The following HIP1 variants were observed in gnomAD, a reference collection of about 807,000 sequenced individuals.
HIP1 encodes huntingtin-interacting protein 1.
HIP1 carries 65 observed loss-of-function variants against 147.6 expected under a neutral mutation model. The observed-to-expected ratio is 0.44, with a 90% CI of 0.36 to 0.54. The LOEUF (loss-of-function observed/expected upper bound fraction) is 0.54. HIP1 is among the 20% of genes least tolerant of loss of function. The pLI is 0.00. For synonymous variants in HIP1, 479 were observed against 504.0 expected (o/e 0.95, Z 0.67); for missense variants, 1,061 against 1,299.6 (o/e 0.82, Z 2.82).
intron 4 of HIP1, 41 bp downstream of exon 4, chr7:75,592,015 A>C: frequency 1.3e-6 from 2 of 1,516,064 alleles, no homozygotes; most frequent in Non-Finnish European, 1.8e-6. Context: ...TGAGGAAGGA[A>C]AGGAGAAGCA....
chr7:75,615,814 G>C (rs782170594), intron 1 of HIP1, among the ~76,000 whole-genome samples: 1 of 150,986 alleles, frequency 6.6e-6, no homozygotes, highest in Non-Finnish European at 1.5e-5. Context: ...GGCCAGGCGC[G>C]GTGGCTCATG....
intron 22 of HIP1, among the ~76,000 whole-genome samples, chr7:75,552,157 T>C (rs1794809377): frequency 6.6e-6 from 1 of 151,548 alleles, no homozygotes; most frequent in South Asian, 2.1e-4. Context: ...TCCCAAAATG[T>C]TGGGATTACA....
In HIP1 at chr7:75,608,577, T is replaced by A. The variant is rs960776555; in HGVS notation, c.121-9330A>T. 2.6e-5 allele frequency among the ~76,000 whole-genome samples: 4 copies of A among 151,950 alleles called. No individual in the cohort carries two copies. In the East Asian group the frequency reaches 7.7e-4, roughly 29 times the overall value. ...AAATGGACTTAAGATCTGAAGAAAA[T>A]TTAGAGAAATATCAGTATTCTGAAG... On this transcript the variant is annotated intron_variant, in intron 1 of 30. Coordinates refer to ENST00000336926, the MANE Select transcript of HIP1 (RefSeq NM_005338.7).
intron 9 of HIP1, among the ~76,000 whole-genome samples, chr7:75,564,572 G>A (rs920432569): frequency 4.6e-5 from 7 of 151,900 alleles, no homozygotes; most frequent in African/African-American, 1.7e-4. Flanking sequence ...GGGGTTATAG[G>A]CGTGAGCCAA....
chr7:75,689,001 A>G (rs1370774191), intron 1 of HIP1, among the ~76,000 whole-genome samples: 2 of 152,072 alleles, frequency 1.3e-5, no homozygotes, highest in African/African-American at 4.8e-5. Flanking sequence ...CATGATGTGA[A>G]AGCAAACAAA....
chr7:75,543,357 A>C (rs1554490315), intron 27 of HIP1, among the ~76,000 whole-genome samples: 1 of 151,962 alleles, frequency 6.6e-6, no homozygotes, highest in Non-Finnish European at 1.5e-5. Flanking sequence ...TGATTCAAAA[A>C]ATAATTTTTT....
In HIP1 at chr7:75,556,783, C is replaced by G. The variant is rs1554493451; in HGVS notation, c.1610G>C (p.Ser537Thr). The part of the protein sequence containing the change: ...KTQEQLEVLE[S>T]LKQELATSQR... ...GCTTGTGGCAAGTTCCTGCTTCAAG[C>G]TCTCTAGAACTTCCAGCTGTTCTTG... The change falls in exon 17 of 31, where the codon AGC becomes ACC. Residue 537 changes from serine to threonine, a missense_variant. Ser to Thr is a moderately conservative substitution (Grantham distance 58). Transcript: ENST00000336926. 6.2e-7 allele frequency: 1 copy of G among 1,613,006 alleles called. No homozygotes were observed. The highest frequency in any genetic ancestry group is 1.7e-5 in the Admixed American group (1 of 60,014).
Position 75,539,413 on chromosome 7 carries a change from C to T in HIP1, c.2971G>A (p.Glu991Lys). ...MDSQVRVLEL[E>K]NELQKERQKL... ...TGACGCTCCTTCTGCAATTCATTTTCTAGCTCTAGCACCCTAACCTGTAAG... is the reference window on the plus strand; with the variant it reads ...TGACGCTCCTTCTGCAATTCATTTTTTAGCTCTAGCACCCTAACCTGTAAG... Residue 991 changes from glutamate to lysine, a missense_variant, in exon 30 of 31, where the codon GAA becomes AAA. Transcript: ENST00000336926. 6.2e-7 allele frequency: 1 copy of T among 1,613,954 alleles called. No individual in the cohort carries two copies. Among genetic ancestry groups the T allele is most frequent in the Non-Finnish European group, 8.5e-7 (1 of 1,179,788 alleles).
rs1794984520 is a variant in HIP1 at position 75,555,927 on chromosome 7, C to T, written c.1827+99G>A. 2.0e-6 allele frequency: 3 copies of T among 1,473,650 alleles called. No homozygotes were observed. The East Asian group carries it at 6.8e-5, about 33-fold the overall frequency. 91.3% of individuals were successfully genotyped at this position (1,473,650 alleles called of 1,614,324 possible). The stretch of plus-strand genomic sequence containing the variant: ...ACAATCAGGCCAAGGCCCCAAACCC[C>T]TTCTCAGCAGCCCCGGGGTCCTCCC... On this transcript the variant is annotated intron_variant, in intron 18 of 30. Transcript: ENST00000336926.
intron 1 of HIP1, among the ~76,000 whole-genome samples, chr7:75,708,722 C>T (rs894737412): frequency 6.6e-6 from 1 of 151,954 alleles, no homozygotes; most frequent in African/African-American, 2.4e-5. Flanking sequence ...ATATGTTTGT[C>T]TTTATGCCAG....
intron 11 of HIP1, 39 bp from the exon 12 acceptor site, chr7:75,562,209 G>T: frequency 7.3e-7 from 1 of 1,371,256 alleles, no homozygotes; most frequent in Non-Finnish European, 1.0e-6. Flanking sequence ...AAGTCAGAGA[G>T]CCAGAGAATT....
chr7:75,637,977 A>AACC (rs1798483924), intron 1 of HIP1, among the ~76,000 whole-genome samples: 11 of 38,668 alleles, frequency 2.8e-4, no homozygotes, highest in Non-Finnish European at 3.8e-4. Context: ...GCAGACCCAG[A>AACC]CCCCCCCCCC....
At position 75,568,964 on chromosome 7, in the gene HIP1, G is replaced by T. The variant is rs1451384486; in HGVS notation, c.746-708C>A. 6.6e-6 allele frequency among the ~76,000 whole-genome samples: 1 copy of T among 152,168 alleles called. No homozygotes were observed. Among genetic ancestry groups the T allele is most frequent in the African/African-American group, 2.4e-5 (1 of 41,442 alleles). On this transcript the variant is annotated intron_variant, in intron 8 of 30. Transcript: ENST00000336926. The surrounding 1 kb of genome is among the most constrained non-coding windows in gnomAD (Gnocchi z 4.1). ...GCGGAAGTTGCAGTGAGCTGAGATT[G>T]CACCACTGCACTCCAGCCTGGGCGA...
intron 1 of HIP1, among the ~76,000 whole-genome samples, chr7:75,658,146 T>G (rs1554513038): frequency 6.6e-6 from 1 of 152,118 alleles, no homozygotes; most frequent in African/African-American, 2.4e-5. Flanking sequence ...CAGGCTGGAG[T>G]GCAGTGTTGT....
intron 1 of HIP1, among the ~76,000 whole-genome samples, chr7:75,613,320 C>T (rs894104871): frequency 7.2e-5 from 11 of 152,146 alleles, no homozygotes; most frequent in South Asian, 2.1e-4. Flanking sequence ...GCGTCCCCAC[C>T]GTGGGGAGCC....
chr7:75,711,752 C>T (rs558386559), intron 1 of HIP1, among the ~76,000 whole-genome samples: 48 of 152,278 alleles, frequency 3.2e-4, no homozygotes, highest in African/African-American at 1.1e-3. Flanking sequence ...TGCCCTCTTT[C>T]CTGGCCTCTG....
intron 1 of HIP1, among the ~76,000 whole-genome samples, chr7:75,655,423 AC>A (rs1399507620): frequency 6.6e-6 from 1 of 151,964 alleles, no homozygotes; most frequent in East Asian, 1.9e-4. Context: ...TAATAAAAAT[AC>A]AAAAAAAATT....
At chr7:75,538,570 C>CTTTTTT (rs67030357) in intron 30 of HIP1, among the ~76,000 whole-genome samples, 9 of 112,920 alleles carry the variant, frequency 8.0e-5, no homozygotes, top group Non-Finnish European at 1.1e-4. Flanking sequence ...CTGATCCCTT[C>CTTTTTT]TTTTTTTTTT....
At chr7:75,613,312 G>A (rs587692673) in intron 1 of HIP1, among the ~76,000 whole-genome samples, 46 of 152,144 alleles carry the variant, frequency 3.0e-4, no homozygotes, top group African/African-American at 9.9e-4. Flanking sequence ...CAAACAGAGC[G>A]TCCCCACCGT....
Sources: gnomAD v4.1 joint callset for allele counts (sites outside exome capture counted in the v4.1 genomes callset) on GRCh38, gnomAD v4.1.1 for gene constraint, Gnocchi (gnomAD v3.1) non-coding constraint, MANE v1.5 for transcripts, NCBI Gene and HGNC (gene_info 2026-07-23, HGNC 2026-07-21) for gene names.